The following CLCN5 variants were observed in gnomAD, a reference collection of about 807,000 sequenced individuals.
CLCN5 encodes H(+)/Cl(-) exchange transporter 5.
A neutral mutation model predicts 54.0 loss-of-function variants in CLCN5; 17 were observed. The ratio of observed to expected loss-of-function variants is 0.31; its 90% confidence interval spans 0.22 to 0.47. CLCN5 has a LOEUF of 0.47. CLCN5 is among the 20% of genes least tolerant of loss of function. The pLI, the probability that CLCN5 is intolerant of heterozygous loss-of-function variation, is 1.00. For synonymous variants in CLCN5, 222 were observed against 233.0 expected (o/e 0.95, Z 0.43); for missense variants, 448 against 646.7 (o/e 0.69, Z 3.33).
chrX:50,077,704 A>G (rs1933483450), intron 7 of CLCN5, among the ~76,000 whole-genome samples: 1 of 98,087 alleles, frequency 1.0e-5, no homozygotes, highest in Admixed American at 1.2e-4. Flanking sequence ...GTAATTGGCC[A>G]GGCGCGGTGG....
At chrX:50,048,163 C>G (rs958430359) in intron 4 of CLCN5, among the ~76,000 whole-genome samples, 31 of 112,067 alleles carry the variant, frequency 2.8e-4, no homozygotes, top group African/African-American at 1.0e-3. Flanking sequence ...TAGTTAGATT[C>G]TCATAAGGAG....
chrX:49,935,487 C>G (rs1925901122), intron 3 of CLCN5, among the ~76,000 whole-genome samples: 1 of 112,155 alleles, frequency 8.9e-6, no homozygotes, highest in Non-Finnish European at 1.9e-5. Context: ...CCCTCTTAAG[C>G]CTTGCAGTCT....
At chrX:50,049,212 T>C (rs1382800628) in intron 4 of CLCN5, among the ~76,000 whole-genome samples, 6 of 112,037 alleles carry the variant, frequency 5.4e-5, no homozygotes, top group Non-Finnish European at 1.9e-5. Context: ...GTATAAATAG[T>C]ACCAAATTTT....
chrX:49,991,326 A>G (rs782333138), intron 3 of CLCN5, among the ~76,000 whole-genome samples: 5 of 111,887 alleles, frequency 4.5e-5, no homozygotes, highest in Non-Finnish European at 7.5e-5. Context: ...ATTTTTTCAT[A>G]TGTTTGTTGG....
At chrX:50,078,027 CAA>C (rs782577595) in intron 7 of CLCN5, among the ~76,000 whole-genome samples, 3 of 86,487 alleles carry the variant, frequency 3.5e-5, no homozygotes, top group Admixed American at 2.5e-4. Context: ...GACTCTATCT[CAA>C]AAAAAAAAAA....
At chrX:49,985,645 T>C (rs1350859165) in intron 3 of CLCN5, among the ~76,000 whole-genome samples, 1 of 111,922 alleles carries the variant, frequency 8.9e-6, no homozygotes, top group African/African-American at 3.2e-5. Context: ...ATTTAAAAAA[T>C]CACTTCCTGT....
intron 4 of CLCN5, among the ~76,000 whole-genome samples, chrX:50,058,503 G>C (rs1557189413): frequency 9.0e-6 from 1 of 111,069 alleles, no homozygotes; most frequent in African/African-American, 3.3e-5. Flanking sequence ...ATTAGACAGT[G>C]ATTTCCATAA....
Position 50,042,261 on chromosome X carries a change from G to A in CLCN5, c.17-55G>A, listed in dbSNP as rs183862468. 1.0e-3 allele frequency: 627 copies of A among 621,999 alleles called. 2 individuals carry two copies. The African/African-American group carries it at 0.013, about 13-fold the overall frequency. 51.3% of individuals were successfully genotyped at this position (621,999 alleles called of 1,213,427 possible). A position where few individuals can be genotyped will look rare whatever the true frequency, so the allele number is the denominator to read the frequency against. ...AAATGGTTCAAATGGCAAATGTTACGTGTAAGGGACTTGAAGATCATTGTT... is the reference window on the plus strand; with the variant it reads ...AAATGGTTCAAATGGCAAATGTTACATGTAAGGGACTTGAAGATCATTGTT... On this transcript the variant is annotated intron_variant, in intron 3 of 14. Transcript: ENST00000376091.
At chrX:49,980,148 T>C (rs112271880) in intron 3 of CLCN5, among the ~76,000 whole-genome samples, 8,295 of 111,042 alleles carry the variant, frequency 0.075, 757 homozygotes, top group African/African-American at 0.26. Context: ...CCCTTAATTT[T>C]ACACTACAGT....
At chrX:49,942,087 A>C (rs1343957713) in intron 3 of CLCN5, among the ~76,000 whole-genome samples, 1 of 104,442 alleles carries the variant, frequency 9.6e-6, no homozygotes, top group Admixed American at 1.1e-4. Context: ...CCCCCACCCC[A>C]GTTTTGAACT....
chrX:50,068,410 G>A (rs1399790574), intron 4 of CLCN5, among the ~76,000 whole-genome samples: 3 of 111,362 alleles, frequency 2.7e-5, no homozygotes, highest in African/African-American at 9.8e-5. Context: ...AGTCAGGTAC[G>A]AATGAAGATA....
chrX:49,971,172 T>G (rs2147325343), intron 3 of CLCN5, among the ~76,000 whole-genome samples: 1 of 105,692 alleles, frequency 9.5e-6, no homozygotes, highest in African/African-American at 3.4e-5. Context: ...CTTGCTGAAC[T>G]TATTTATTAG....
chrX:50,070,237 T>C (rs782143399), intron 5 of CLCN5, among the ~76,000 whole-genome samples: 5 of 112,767 alleles, frequency 4.4e-5, no homozygotes, highest in Non-Finnish European at 9.4e-5. Context: ...CTAGGGTACA[T>C]GTGCACAACG....
intron 4 of CLCN5, among the ~76,000 whole-genome samples, chrX:50,051,209 G>C (rs1471027078): frequency 8.9e-6 from 1 of 112,044 alleles, no homozygotes; most frequent in Non-Finnish European, 1.9e-5. Context: ...AAGGAGGAAA[G>C]TCTTTGTTTA....
At chrX:50,074,236 C>A (rs1933325234) in intron 6 of CLCN5, among the ~76,000 whole-genome samples, 1 of 111,937 alleles carries the variant, frequency 8.9e-6, no homozygotes, top group African/African-American at 3.2e-5. Context: ...GGGAAGGCAA[C>A]CACTGTAGAA....
intron 9 of CLCN5, among the ~76,000 whole-genome samples, chrX:50,085,137 G>A: frequency 9.0e-6 from 1 of 111,517 alleles, no homozygotes; most frequent in South Asian, 3.8e-4. Flanking sequence ...TCGTAATTTT[G>A]TTCAACTTTC....
At chrX:49,939,026 C>T (rs1253354190) in intron 3 of CLCN5, among the ~76,000 whole-genome samples, 3 of 108,367 alleles carry the variant, frequency 2.8e-5, no homozygotes, top group Non-Finnish European at 5.8e-5. Flanking sequence ...AGCCAAGAAA[C>T]ACATGAAAAA....
At chrX:49,955,851 T>A (rs1927289650) in intron 3 of CLCN5, among the ~76,000 whole-genome samples, 1 of 111,905 alleles carries the variant, frequency 8.9e-6, no homozygotes, top group African/African-American at 3.3e-5. Flanking sequence ...GTTTCATCAG[T>A]TGATGGGGGC....
rs1278935053 is a variant in CLCN5, at chrX:50,092,402, A to G, written c.*183A>G. 3 of 428,192 alleles carry G rather than the reference A, an allele frequency of 7.0e-6. No individual in the cohort carries two copies. Among genetic ancestry groups the G allele is most frequent in the Non-Finnish European group, 1.2e-5 (3 of 245,067 alleles). The allele number at this position is 428,192 out of a possible 1,213,427, so 35.3% of individuals were successfully genotyped here. ...TCTGGAAATTAATTTTCTCTTTAGG[A>G]GAAATTATAGTTAGGCTTCCATGAT... On this transcript the variant is annotated 3_prime_UTR_variant, in exon 15 of 15. Transcript: ENST00000376091.
Sources: allele counts gnomAD v4.1 joint callset (sites outside exome capture counted in the v4.1 genomes callset), GRCh38; gene constraint gnomAD v4.1.1; transcripts MANE v1.5; gene names NCBI Gene and HGNC (gene_info 2026-07-23, HGNC 2026-07-21).